Variants in OPCML observed in about 807,000 individuals in gnomAD.
The protein encoded by OPCML is opioid-binding protein/cell adhesion molecule.
OPCML carries 13 observed loss-of-function variants against 37.8 expected under a neutral mutation model. That is an observed-to-expected ratio of 0.34 (90% CI 0.22 to 0.55). The LOEUF (loss-of-function observed/expected upper bound fraction) is 0.55, where lower values mean the gene tolerates loss of function less well. Among genes scored for constraint, OPCML ranks in the 20% least tolerant of loss-of-function variants. The pLI is 0.91. For missense variants in OPCML, 341 were observed against 435.6 expected (o/e 0.78, Z 1.93); for synonymous variants, 176 against 168.8 (o/e 1.04, Z -0.33).
At chr11:133,234,228 A>C (rs746914668) in intron 1 of OPCML, among the ~76,000 whole-genome samples, 1 of 152,202 alleles carries the variant, frequency 6.6e-6, no homozygotes, top group Non-Finnish European at 1.5e-5. Flanking sequence ...CTAAAAAAAA[A>C]AGAAACAAAA....
intron 2 of OPCML, among the ~76,000 whole-genome samples, chr11:132,808,107 G>A (rs1446581951): frequency 2.6e-5 from 4 of 152,122 alleles, no homozygotes; most frequent in African/African-American, 7.2e-5. Flanking sequence ...TCAAATATCA[G>A]CAATTTCATT....
At chr11:132,904,148 G>GA (rs1944155138) in intron 2 of OPCML, among the ~76,000 whole-genome samples, 1 of 152,142 alleles carries the variant, frequency 6.6e-6, no homozygotes, top group South Asian at 2.1e-4. Context: ...CACTCAGCTG[G>GA]AAAAAATCTT....
At chr11:132,534,139 A>G (rs1431369931) in intron 3 of OPCML, among the ~76,000 whole-genome samples, 1 of 151,812 alleles carries the variant, frequency 6.6e-6, no homozygotes, top group African/African-American at 2.4e-5. Context: ...TCACATGTGT[A>G]ATTTTTTTTT....
chr11:132,648,646 C>T (rs902720183), intron 3 of OPCML, among the ~76,000 whole-genome samples: 16 of 151,848 alleles, frequency 1.1e-4, no homozygotes, highest in South Asian at 6.3e-4. Context: ...GGACTACGGG[C>T]GCACGCCACC....
chr11:132,797,454 A>G (rs948573444), intron 2 of OPCML, among the ~76,000 whole-genome samples: 1 of 152,238 alleles, frequency 6.6e-6, no homozygotes, highest in Non-Finnish European at 1.5e-5. Context: ...ATCCTATTCT[A>G]TTAATCTAGA....
intron 1 of OPCML, chr11:133,025,925 G>C (rs1473758900): frequency 8.3e-6 from 2 of 239,784 alleles, no homozygotes; most frequent in Non-Finnish European, 1.3e-5. Context: ...GGTAGAGATG[G>C]GGTTTCACCA....
chr11:132,640,965 G>A (rs959595679), intron 3 of OPCML, among the ~76,000 whole-genome samples: 2 of 152,144 alleles, frequency 1.3e-5, no homozygotes, highest in Non-Finnish European at 1.5e-5. Context: ...TAAGCATTGT[G>A]TGTTGTGGAC....
intron 1 of OPCML, among the ~76,000 whole-genome samples, chr11:133,160,266 C>T (rs1950123720): frequency 2.0e-5 from 3 of 152,194 alleles, no homozygotes; most frequent in Admixed American, 2.0e-4. Flanking sequence ...TTCCCACAGC[C>T]TTGGTGCCCT....
intron 4 of OPCML, among the ~76,000 whole-genome samples, chr11:132,479,631 C>G (rs1488646221): frequency 1.3e-5 from 2 of 152,316 alleles, no homozygotes; most frequent in South Asian, 2.1e-4. Flanking sequence ...CCCTGTCTGA[C>G]AGCTTTGAAG....
At chr11:133,056,889 G>C (rs529247815) in intron 1 of OPCML, among the ~76,000 whole-genome samples, 216 of 152,240 alleles carry the variant, frequency 1.4e-3, no homozygotes, top group South Asian at 4.6e-3. Context: ...TGTTGCCCAG[G>C]CTGGAGTGCA....
At chr11:132,941,142 C>G (rs1039660641) in intron 2 of OPCML, among the ~76,000 whole-genome samples, 34 of 152,220 alleles carry the variant, frequency 2.2e-4, no homozygotes, top group African/African-American at 7.9e-4. Flanking sequence ...TATTCCCATT[C>G]CCATTCCCAA....
intron 2 of OPCML, among the ~76,000 whole-genome samples, chr11:132,758,380 T>C (rs1380542116): frequency 6.6e-6 from 1 of 152,222 alleles, no homozygotes; most frequent in Non-Finnish European, 1.5e-5. Flanking sequence ...ATTGAATCTA[T>C]AAATTACTTT....
intron 2 of OPCML, among the ~76,000 whole-genome samples, chr11:132,689,189 C>CTT (rs1943303449): frequency 6.6e-6 from 1 of 152,072 alleles, no homozygotes; most frequent in South Asian, 2.1e-4. Context: ...ACAAAGAAAA[C>CTT]ATTCAATAAT....
Position 132,900,167 on chromosome 11 carries a change from T to G in OPCML, c.146+42759A>C, listed in dbSNP as rs139571541. ...ACTGCAAAGCAATTCCAAGTAGCCATGCCCACAGCAAGTTCATAATGGACT... is the reference window on the plus strand; with the variant it reads ...ACTGCAAAGCAATTCCAAGTAGCCAGGCCCACAGCAAGTTCATAATGGACT... On this transcript the variant is annotated intron_variant, in intron 2 of 7. Coordinates refer to ENST00000524381, the MANE Select transcript of OPCML (RefSeq NM_001012393.5). 5.1e-3 allele frequency among the ~76,000 whole-genome samples: 778 copies of G among 152,320 alleles called. 1 individual carries two copies. Among genetic ancestry groups the G allele is most frequent in the Non-Finnish European group, 7.8e-3 (532 of 68,014 alleles).
intron 2 of OPCML, among the ~76,000 whole-genome samples, chr11:132,779,808 G>A (rs1006978644): frequency 6.6e-6 from 1 of 152,144 alleles, no homozygotes. Flanking sequence ...AGAAATGAAA[G>A]GGATACTTTA....
intron 4 of OPCML, among the ~76,000 whole-genome samples, chr11:132,455,022 A>G (rs2096078047): frequency 6.6e-6 from 1 of 152,190 alleles, no homozygotes; most frequent in Non-Finnish European, 1.5e-5. Context: ...ATTATAATAG[A>G]ATGTATCACA....
chr11:133,008,297 A>G (rs1947151213), intron 1 of OPCML: 1 of 985,428 alleles, frequency 1.0e-6, no homozygotes, highest in Non-Finnish European at 1.2e-6. Context: ...ATTGTGGTGC[A>G]TAACTACTGC....
Position 132,574,437 on chromosome 11 carries a change from C to T in OPCML, c.380-45251G>A, listed in dbSNP as rs76785236. ...TAGTATTACTTACTATTGCTGCATC[C>T]CATAAGTTTTTGTATATCGTATCTT... is the stretch of plus-strand genomic sequence containing the variant. On this transcript the variant is annotated intron_variant, in intron 3 of 7. Coordinates refer to ENST00000524381, the MANE Select transcript of OPCML (RefSeq NM_001012393.5). Among the ~76,000 whole-genome samples, 380 of 151,368 alleles carry T rather than the reference C, an allele frequency of 2.5e-3. 5 individuals are homozygous for T. Among genetic ancestry groups the T allele is most frequent in the African/African-American group, 8.9e-3 (368 of 41,430 alleles).
intron 1 of OPCML, among the ~76,000 whole-genome samples, chr11:133,509,184 C>T (rs73587657): frequency 0.012 from 1,846 of 152,128 alleles, 34 homozygotes; most frequent in African/African-American, 0.042. Context: ...TATTAAGGCC[C>T]GGATGCATTA....
Sources: gnomAD v4.1 joint callset for allele counts (sites outside exome capture counted in the v4.1 genomes callset) on GRCh38, gnomAD v4.1.1 for gene constraint, MANE v1.5 for transcripts, NCBI Gene and HGNC (gene_info 2026-07-23, HGNC 2026-07-21) for gene names.